MARCHF10: variants seen among roughly 807,000 people sequenced by gnomAD.
MARCHF10 encodes the protein probable E3 ubiquitin-protein ligase MARCHF10.
Under a neutral mutation model 76.2 loss-of-function variants are expected in MARCHF10, and 64 were observed. That is an observed-to-expected ratio of 0.84 (90% CI 0.69 to 1.03). The LOEUF is 1.03. Ranked by LOEUF, MARCHF10 falls within the 50% of genes least tolerant of loss-of-function variation. The pLI is 0.00. For missense variants in MARCHF10, 875 were observed against 958.0 expected, an observed-to-expected ratio of 0.91 and a Z score of 1.14; for synonymous variants, 340 against 357.5, an observed-to-expected ratio of 0.95 and a Z score of 0.55.
Position 62,736,934 on chromosome 17 carries a change from A to G in MARCHF10, c.934T>C (p.Ser312Pro). ...WVGVRSPCSP[S>P]HHKRSRFGGT... is the part of the protein sequence containing the mutation. ...CCAAATCTACTTCTTTTGTGATGGGAAGGAGAACAGGGTGAGCGCACACCA... is the reference window on the plus strand; with the variant it reads ...CCAAATCTACTTCTTTTGTGATGGGGAGGAGAACAGGGTGAGCGCACACCA... The change falls in exon 6 of 11, where the codon TCC becomes CCC. Residue 312 changes from serine (S) to proline (P), a missense_variant. Physicochemically the swap from Ser to Pro is moderately conservative, Grantham distance 74 (BLOSUM62 -1). Transcript: ENST00000311269. The G allele has an allele frequency of 6.2e-7, 1 of 1,613,982 alleles. No homozygotes were observed. The highest frequency in any genetic ancestry group is 8.5e-7 in the Non-Finnish European group (1 of 1,179,996).
intron 3 of MARCHF10, among the ~76,000 whole-genome samples, chr17:62,787,549 C>T (rs1478086135): frequency 1.3e-5 from 2 of 152,138 alleles, no homozygotes; most frequent in East Asian, 1.9e-4. Context: ...TGAGCTCTTA[C>T]ATAGGGTAAG....
At chr17:62,716,789 C>T (rs78511766) in intron 8 of MARCHF10, among the ~76,000 whole-genome samples, 4 of 152,036 alleles carry the variant, frequency 2.6e-5, no homozygotes, top group Admixed American at 1.3e-4. Flanking sequence ...AGCTGAAGCC[C>T]GTTCTAGGTT....
At chr17:62,794,163 T>TCAC (rs1249912795) in intron 2 of MARCHF10, among the ~76,000 whole-genome samples, 1 of 86,982 alleles carries the variant, frequency 1.1e-5, no homozygotes, top group Non-Finnish European at 2.3e-5. Context: ...ACCACCTCCA[T>TCAC]CACCACCACC....
intron 3 of MARCHF10, among the ~76,000 whole-genome samples, chr17:62,781,403 T>C (rs2092656329): frequency 1.3e-5 from 2 of 152,188 alleles, no homozygotes; most frequent in African/African-American, 4.8e-5. Flanking sequence ...ATCTCCTTGA[T>C]GGGAAACTGA....
chr17:62,781,988 T>G (rs2092667136), intron 3 of MARCHF10, among the ~76,000 whole-genome samples: 2 of 152,270 alleles, frequency 1.3e-5, no homozygotes, highest in African/African-American at 4.8e-5. Context: ...AGTTTTCAGG[T>G]GCTGCAATCT....
intron 2 of MARCHF10, among the ~76,000 whole-genome samples, chr17:62,789,090 A>AG: frequency 6.6e-6 from 1 of 151,036 alleles, no homozygotes; most frequent in East Asian, 2.0e-4. Flanking sequence ...AAAAAAAAAA[A>AG]AAAACGCAGG....
chr17:62,770,390 T>C, intron 3 of MARCHF10, among the ~76,000 whole-genome samples: 1 of 152,218 alleles, frequency 6.6e-6, no homozygotes. Context: ...TACCCAGCAA[T>C]GGGATTGTTG....
chr17:62,723,559 C>CTGTTTTTTTTTTTTTTTTT (rs2090599016), intron 7 of MARCHF10, among the ~76,000 whole-genome samples: 1 of 80,370 alleles, frequency 1.2e-5, no homozygotes, highest in African/African-American at 5.4e-5. Flanking sequence ...GTTCGCTTGA[C>CTGTTTTTTTTTTTTTTTTT]TTTTTTTTTT....
At chr17:62,720,062 T>C (rs1394039382) in intron 8 of MARCHF10, among the ~76,000 whole-genome samples, 2 of 152,224 alleles carry the variant, frequency 1.3e-5, no homozygotes, top group Non-Finnish European at 2.9e-5. Flanking sequence ...ACACTGCCCA[T>C]CTGTTCTTAA....
intron 8 of MARCHF10, among the ~76,000 whole-genome samples, chr17:62,713,047 T>C (rs1266729674): frequency 2.6e-5 from 4 of 152,148 alleles, no homozygotes; most frequent in African/African-American, 9.7e-5. Flanking sequence ...GCCTAGCCAC[T>C]TTTTCTGTTT....
chr17:62,716,600 A>G (rs947174277), intron 8 of MARCHF10, among the ~76,000 whole-genome samples: 1 of 152,022 alleles, frequency 6.6e-6, no homozygotes, highest in African/African-American at 2.4e-5. Flanking sequence ...TTTAATAGAA[A>G]AAAAGAAGAC....
chr17:62,781,674 G>A (rs1335112489), intron 3 of MARCHF10, among the ~76,000 whole-genome samples: 2 of 152,176 alleles, frequency 1.3e-5, no homozygotes, highest in African/African-American at 4.8e-5. Flanking sequence ...GGTTAACTGT[G>A]TGTTTGGGGA....
At chr17:62,742,325 C>T (rs1292806366) in intron 5 of MARCHF10, among the ~76,000 whole-genome samples, 1 of 152,092 alleles carries the variant, frequency 6.6e-6, no homozygotes, top group Non-Finnish European at 1.5e-5. Flanking sequence ...CAGCCTCCTT[C>T]CTTATTTTTC....
At position 62,741,517 on chromosome 17, in the gene MARCHF10, G is replaced by A. The variant is rs1023056118; in HGVS notation, c.535+2859C>T. Among the ~76,000 whole-genome samples, 6 of 152,242 alleles carry A rather than the reference G, an allele frequency of 3.9e-5. No individual in the cohort carries two copies. In the South Asian group the frequency reaches 8.3e-4, roughly 21 times the overall value. On this transcript the variant is annotated intron_variant, in intron 5 of 10. Transcript: ENST00000311269. ...GACACAACAGTGCCCAGGAATGTTC[G>A]TTGTTAGTTTCACTACTAGTATTAC...
At chr17:62,788,627 G>A in intron 2 of MARCHF10, 28 bp from the exon 3 acceptor site, 1 of 1,612,884 alleles carries the variant, frequency 6.2e-7, no homozygotes, top group African/African-American at 1.3e-5. Context: ...TAAAATGTTT[G>A]TCTTAGGACC....
At chr17:62,739,427 A>T (rs1216633418) in intron 5 of MARCHF10, among the ~76,000 whole-genome samples, 1 of 146,166 alleles carries the variant, frequency 6.8e-6, no homozygotes, top group Non-Finnish European at 1.5e-5. Context: ...TTTTTGCTGG[A>T]GTGCAATGGT....
At chr17:62,757,329 A>G (rs963875094) in intron 4 of MARCHF10, among the ~76,000 whole-genome samples, 7 of 152,212 alleles carry the variant, frequency 4.6e-5, no homozygotes, top group East Asian at 1.9e-4. Context: ...CTTTAGAGAA[A>G]TATCTCTCTA....
intron 10 of MARCHF10, among the ~76,000 whole-genome samples, chr17:62,702,322 C>A (rs940942423): frequency 2.0e-5 from 3 of 151,722 alleles, no homozygotes; most frequent in African/African-American, 7.3e-5. Flanking sequence ...TGTTTCTTTC[C>A]CCCTTGGCTT....
At position 62,725,063 on chromosome 17, in the gene MARCHF10, C is replaced by T. The variant is rs201985074; in HGVS notation, c.1979G>A (p.Arg660His). 2.3e-4 allele frequency: 363 copies of T among 1,604,400 alleles called. No homozygotes were observed. The highest frequency in any genetic ancestry group is 3.0e-4 in the Non-Finnish European group (349 of 1,176,676). ...GGAACCCCCGGCTATCTGACAGATG[C>T]GACACAAGTCTCCCTCCTCCTCGGA... ...EDSEEEGDLC[R>H]ICQIAGGSPS... The change falls in exon 7 of 11, where the codon CGC becomes CAC. Residue 660 changes from arginine (R) to histidine (H), a missense_variant. Physicochemically the swap from Arg to His is conservative, Grantham distance 29. Coordinates refer to ENST00000311269, the MANE Select transcript of MARCHF10 (RefSeq NM_152598.4).
Sources: gnomAD v4.1 joint callset for allele counts (sites outside exome capture counted in the v4.1 genomes callset) on GRCh38, gnomAD v4.1.1 for gene constraint, MANE v1.5 for transcripts, NCBI Gene and HGNC (gene_info 2026-07-23, HGNC 2026-07-21) for gene names.